The following C11orf65 variants were observed in gnomAD, a reference collection of about 807,000 sequenced individuals.
C11orf65 encodes the protein protein MFI.
In C11orf65, 38 loss-of-function variants were observed where a neutral mutation model predicts 35.3. The observed-to-expected ratio is 1.08, with a 90% CI of 0.83 to 1.41. C11orf65 has a LOEUF of 1.41. C11orf65 is among the 40% of genes most tolerant of loss of function. The pLI is 0.00. For synonymous variants in C11orf65, 105 were observed against 114.4 expected, an observed-to-expected ratio of 0.92 and a Z score of 0.53; for missense variants, 370 against 367.1, an observed-to-expected ratio of 1.01 and a Z score of -0.06.
chr11:108,330,937 T>A (rs1163537907), downstream of C11orf65, among the ~76,000 whole-genome samples: 1 of 152,234 alleles, frequency 6.6e-6, no homozygotes, highest in African/African-American at 2.4e-5. Flanking sequence ...ACACCTAATA[T>A]TAAATTTAAG....
intron 2 of C11orf65, among the ~76,000 whole-genome samples, chr11:108,456,789 A>G (rs986990757): frequency 4.0e-5 from 6 of 150,808 alleles, no homozygotes; most frequent in Non-Finnish European, 8.8e-5. Flanking sequence ...AAAGAAAAAA[A>G]AAAGAAAGAA....
At chr11:108,397,803 C>T (rs956271741) in intron 6 of C11orf65, among the ~76,000 whole-genome samples, 1 of 152,148 alleles carries the variant, frequency 6.6e-6, no homozygotes, top group Non-Finnish European at 1.5e-5. Context: ...ATTCTATAAG[C>T]AACATATATT....
downstream of C11orf65, chr11:108,329,113 A>G (rs976994998): frequency 6.2e-7 from 1 of 1,614,138 alleles, no homozygotes; most frequent in Non-Finnish European, 8.5e-7. Context: ...CCCGGTTTTC[A>G]GATACTCAAT....
At chr11:108,398,074 A>G (rs972799768) in intron 6 of C11orf65, among the ~76,000 whole-genome samples, 3 of 152,106 alleles carry the variant, frequency 2.0e-5, no homozygotes, top group Non-Finnish European at 2.9e-5. Context: ...GCAGCTGAGC[A>G]CCCTAGGGAG....
chr11:108,313,496 T>A (rs1679240972), intron 6 of C11orf65, among the ~76,000 whole-genome samples: 1 of 152,214 alleles, frequency 6.6e-6, no homozygotes, highest in Admixed American at 6.5e-5. Flanking sequence ...GTGGTCACCT[T>A]TCATTCTTCC....
chr11:108,421,206 T>G (rs2092810896), intron 3 of C11orf65, among the ~76,000 whole-genome samples: 1 of 152,208 alleles, frequency 6.6e-6, no homozygotes, highest in African/African-American at 2.4e-5. Flanking sequence ...TAGGTTTGCC[T>G]GTTCCTGCCT....
chr11:108,315,973 G>T (rs750344356), intron 6 of C11orf65: 1 of 1,611,154 alleles, frequency 6.2e-7, no homozygotes, highest in Non-Finnish European at 8.5e-7. Context: ...TTATGTGTGT[G>T]TAAAACCCAA....
At chr11:108,331,834 AT>A (rs1433326450) in intron 3 of C11orf65, 11 of 1,591,420 alleles carry the variant, frequency 6.9e-6, no homozygotes, top group African/African-American at 2.7e-5. Flanking sequence ...TATGGATTAT[AT>A]TTTTTTGTTT....
intron 2 of C11orf65, among the ~76,000 whole-genome samples, chr11:108,449,481 G>A (rs932004384): frequency 7.2e-5 from 11 of 151,832 alleles, no homozygotes; most frequent in African/African-American, 1.7e-4. Context: ...AAATAATGCC[G>A]CATATCTACA....
At chr11:108,447,021 C>T (rs1484708913) in intron 2 of C11orf65, among the ~76,000 whole-genome samples, 1 of 151,988 alleles carries the variant, frequency 6.6e-6, no homozygotes, top group Non-Finnish European at 1.5e-5. Flanking sequence ...CAACAAAGAT[C>T]AAAAGAGACA....
At chr11:108,357,097 G>A (rs990696802) in intron 2 of C11orf65, among the ~76,000 whole-genome samples, 4 of 152,238 alleles carry the variant, frequency 2.6e-5, no homozygotes, top group Non-Finnish European at 4.4e-5. Context: ...CGCACTGTGC[G>A]CGAACTGAAG....
At chr11:108,333,331 C>T (rs1388976677) in intron 3 of C11orf65, among the ~76,000 whole-genome samples, 1 of 152,092 alleles carries the variant, frequency 6.6e-6, no homozygotes, top group East Asian at 1.9e-4. Context: ...AATTATTATT[C>T]TTGCTGTGTC....
In C11orf65 at chr11:108,445,205, C is replaced by G. The variant is rs375819281; in HGVS notation, c.82-13367G>C. On this transcript the variant is annotated intron_variant, in intron 2 of 8. Coordinates refer to ENST00000393084, the MANE Select transcript of C11orf65 (RefSeq NM_152587.5). ...AGGGCACAGACAAACAAAAAGACAG[C>G]AGTAACCTCTGCAGACTTACATGTC... is the stretch of plus-strand genomic sequence containing the variant. Among the ~76,000 whole-genome samples, 11 of 152,314 alleles carry G rather than the reference C, an allele frequency of 7.2e-5. No homozygotes were observed. In the East Asian group the frequency reaches 1.9e-3, roughly 27 times the overall value.
chr11:108,397,546 C>T (rs2092345775), intron 6 of C11orf65, among the ~76,000 whole-genome samples: 1 of 152,044 alleles, frequency 6.6e-6, no homozygotes, highest in Non-Finnish European at 1.5e-5. Context: ...TTGAGGAAAG[C>T]TAAGATCTAT....
chr11:108,409,536 G>A (rs1052220661), intron 3 of C11orf65, among the ~76,000 whole-genome samples: 6 of 152,164 alleles, frequency 3.9e-5, no homozygotes, highest in African/African-American at 1.4e-4. Context: ...CTAGCAATAT[G>A]TGGTATGATG....
intron 2 of C11orf65, among the ~76,000 whole-genome samples, chr11:108,371,146 A>T (rs937616490): frequency 1.3e-5 from 2 of 152,132 alleles, no homozygotes; most frequent in Non-Finnish European, 2.9e-5. Flanking sequence ...ATAGGAGAGA[A>T]GTGGTCATGA....
chr11:108,422,709 C>A (rs2092837079), intron 3 of C11orf65, among the ~76,000 whole-genome samples: 1 of 151,870 alleles, frequency 6.6e-6, no homozygotes, highest in African/African-American at 2.4e-5. Context: ...TGGTGAAACC[C>A]CGTTTCTACT....
chr11:108,334,823 C>T, intron 3 of C11orf65: 1 of 908,886 alleles, frequency 1.1e-6, no homozygotes, highest in Non-Finnish European at 1.7e-6. Flanking sequence ...AGCCACCACA[C>T]CCGGCCTAAA....
chr11:108,391,076 T>C (rs1485156317), intron 7 of C11orf65, among the ~76,000 whole-genome samples: 1 of 152,112 alleles, frequency 6.6e-6, no homozygotes, highest in African/African-American at 2.4e-5. Flanking sequence ...CTCTGGCTTC[T>C]TTTTTTCATG....
Sources: allele counts gnomAD v4.1 joint callset (sites outside exome capture counted in the v4.1 genomes callset), GRCh38; gene constraint gnomAD v4.1.1; transcripts MANE v1.5; gene names NCBI Gene and HGNC (gene_info 2026-07-23, HGNC 2026-07-21).